The following XXYLT1 variants were observed in gnomAD, a reference collection of about 807,000 sequenced individuals.
XXYLT1 encodes xyloside xylosyltransferase 1.
Under a neutral mutation model 28.9 loss-of-function variants are expected in XXYLT1, and 20 were observed. That is an observed-to-expected ratio of 0.69 (90% confidence interval 0.49 to 1.00). The LOEUF is 1.00. Ranked by LOEUF, XXYLT1 falls within the 50% of genes least tolerant of loss-of-function variation. The pLI, the probability that XXYLT1 is intolerant of heterozygous loss-of-function variation, is 0.00. For synonymous variants in XXYLT1, 257 were observed against 253.8 expected, an observed-to-expected ratio of 1.01 and a Z score of -0.12; for missense variants, 542 against 560.1, an observed-to-expected ratio of 0.97 and a Z score of 0.33.
chr3:195,143,805 G>A (rs796963443), intron 3 of XXYLT1, among the ~76,000 whole-genome samples: 2 of 52,994 alleles, frequency 3.8e-5, no homozygotes, highest in Non-Finnish European at 7.3e-5. Flanking sequence ...TATATAGATA[G>A]ATATATATAG....
chr3:195,246,680 C>CG (rs1725035811), intron 1 of XXYLT1, among the ~76,000 whole-genome samples: 1 of 152,138 alleles, frequency 6.6e-6, no homozygotes, highest in African/African-American at 2.4e-5. Flanking sequence ...AAAGGAGAGG[C>CG]GGGGGTGAGC....
chr3:195,079,035 A>G (rs567801039), intron 3 of XXYLT1, among the ~76,000 whole-genome samples: 4 of 152,320 alleles, frequency 2.6e-5, no homozygotes, highest in African/African-American at 9.6e-5. Context: ...GAACCTGCTC[A>G]TCAGACCCTT....
intron 3 of XXYLT1, among the ~76,000 whole-genome samples, chr3:195,123,941 C>T (rs1331735957): frequency 6.6e-6 from 1 of 152,202 alleles, no homozygotes; most frequent in Non-Finnish European, 1.5e-5. Context: ...AAACAGGTAT[C>T]ATGTGAACAA....
At chr3:195,103,018 T>C (rs372973869) in intron 3 of XXYLT1, among the ~76,000 whole-genome samples, 1 of 152,128 alleles carries the variant, frequency 6.6e-6, no homozygotes, top group Non-Finnish European at 1.5e-5. Context: ...TTCTATCAGG[T>C]GTGAAGTGAG....
chr3:195,180,276 G>A lies in XXYLT1; in HGVS notation c.653-23695C>T, dbSNP rs1271484378. ...GGTGAGTGGCACACTCGGTCCCCCA[G>A]TTACAGGAAAGGTCCCTTCCATCCT... is the stretch of plus-strand genomic sequence containing the variant. On this transcript the variant is annotated intron_variant, in intron 2 of 3. Transcript: ENST00000310380. The surrounding 1 kb of genome is among the most constrained non-coding windows in gnomAD (Gnocchi z 5.8). 3 of 977,450 alleles carry A rather than the reference G, an allele frequency of 3.1e-6. No homozygotes were observed. Among genetic ancestry groups the A allele is most frequent in the Non-Finnish European group, 3.6e-6 (3 of 822,834 alleles). The allele number at this position is 977,450 out of a possible 1,614,324, so 60.5% of individuals were successfully genotyped here. A position where few individuals can be genotyped will look rare whatever the true frequency, so the allele number is the denominator to read the frequency against.
At chr3:195,110,515 TGTGTGCGTGGTGTAC>T (rs1345156983) in intron 3 of XXYLT1, among the ~76,000 whole-genome samples, 1 of 31,956 alleles carries the variant, frequency 3.1e-5, no homozygotes, top group East Asian at 4.0e-4. Context: ...GTGTGGTGTA[TGTGTGCGTGGTGTAC>T]GTGTGCGTGT....
At chr3:195,110,130 G>A (rs1326937528) in intron 3 of XXYLT1, among the ~76,000 whole-genome samples, 1 of 58,412 alleles carries the variant, frequency 1.7e-5, no homozygotes, top group Non-Finnish European at 3.8e-5. Context: ...TGGTGTGTGT[G>A]TGTGTGGTGT....
intron 2 of XXYLT1, among the ~76,000 whole-genome samples, chr3:195,200,222 T>C (rs931167934): frequency 6.6e-5 from 10 of 152,218 alleles, no homozygotes; most frequent in African/African-American, 7.2e-5. Flanking sequence ...TGGAAAGCCG[T>C]GAAGCAGCGT....
At chr3:195,174,695 TC>T (rs1374538208) in intron 2 of XXYLT1, among the ~76,000 whole-genome samples, 1 of 110,690 alleles carries the variant, frequency 9.0e-6, no homozygotes, top group African/African-American at 3.5e-5. Flanking sequence ...CTCCCTCCCT[TC>T]CCTTCCCTTT....
chr3:195,110,304 A>AT (rs1344529784), intron 3 of XXYLT1, among the ~76,000 whole-genome samples: 1 of 1,644 alleles, frequency 6.1e-4, no homozygotes, highest in African/African-American at 1.9e-3. Context: ...CGTGTGTGGT[A>AT]TATGTGTGTG....
chr3:195,131,903 T>C (rs1045267480), intron 3 of XXYLT1, among the ~76,000 whole-genome samples: 2 of 152,244 alleles, frequency 1.3e-5, no homozygotes, highest in African/African-American at 4.8e-5. Context: ...CTTTGCTGTC[T>C]ATCCCTGAGG....
chr3:195,139,410 G>C (rs1719367042), intron 3 of XXYLT1, among the ~76,000 whole-genome samples: 1 of 152,218 alleles, frequency 6.6e-6, no homozygotes, highest in African/African-American at 2.4e-5. Flanking sequence ...CAGCAGGAAG[G>C]ACATAAGGCC....
intron 3 of XXYLT1, among the ~76,000 whole-genome samples, chr3:195,117,061 G>C (rs1718078531): frequency 6.6e-6 from 1 of 151,282 alleles, no homozygotes; most frequent in African/African-American, 2.4e-5. Flanking sequence ...AGTGAGAATT[G>C]CTGTAGTTTA....
At chr3:195,175,799 G>T (rs1273867816) in intron 2 of XXYLT1, 13 of 1,468,758 alleles carry the variant, frequency 8.9e-6, no homozygotes, top group African/African-American at 1.4e-5. Flanking sequence ...AGATGGCGTC[G>T]TTACAGGATG....
chr3:195,227,122 G>C (rs768297936), intron 1 of XXYLT1, among the ~76,000 whole-genome samples: 4 of 152,188 alleles, frequency 2.6e-5, no homozygotes, highest in Non-Finnish European at 5.9e-5. Flanking sequence ...CAGTGGAAGA[G>C]AAGTGGGAGG....
intron 1 of XXYLT1, among the ~76,000 whole-genome samples, chr3:195,250,544 G>T (rs1239208474): frequency 1.3e-5 from 2 of 148,260 alleles, no homozygotes; most frequent in East Asian, 4.0e-4. Flanking sequence ...AGCCTGGGCG[G>T]CAAGAGTGCA....
chr3:195,223,241 T>C (rs959043013), intron 2 of XXYLT1, among the ~76,000 whole-genome samples: 6 of 151,798 alleles, frequency 4.0e-5, no homozygotes, highest in Non-Finnish European at 7.4e-5. Flanking sequence ...AAAAAAAAAG[T>C]AAGCACATTT....
intron 3 of XXYLT1, among the ~76,000 whole-genome samples, chr3:195,110,598 GCTGTATGTGTGCAT>G (rs1717601020): frequency 9.7e-6 from 1 of 103,274 alleles, no homozygotes; most frequent in Non-Finnish European, 2.0e-5. Flanking sequence ...GTGTGTGTGT[GCTGTATGTGTGCAT>G]GTGTGTGGTG....
intron 3 of XXYLT1, among the ~76,000 whole-genome samples, chr3:195,080,895 AC>A (rs1334108668): frequency 6.6e-6 from 1 of 151,954 alleles, no homozygotes; most frequent in African/African-American, 2.4e-5. Context: ...GGGCAGTATG[AC>A]CCCCGGCTGC....
Sources: gnomAD v4.1 joint callset for allele counts (sites outside exome capture counted in the v4.1 genomes callset) on GRCh38, gnomAD v4.1.1 for gene constraint, Gnocchi (gnomAD v3.1) non-coding constraint, MANE v1.5 for transcripts, NCBI Gene and HGNC (gene_info 2026-07-23, HGNC 2026-07-21) for gene names.